Variants in ARB2A observed in about 807,000 individuals in gnomAD.
ARB2A encodes the protein ARB2 cotranscriptional regulator A.
the ARB2A span, among the ~76,000 whole-genome samples, chr5:93,696,272 T>C: frequency 9.8e-5 from 15 of 152,342 alleles, no homozygotes; most frequent in Admixed American, 5.2e-4. Context: ...TCCATTCACA[T>C]CAGTGATGCA....
At chr5:94,074,857 T>A in the ARB2A span, 1 of 806,294 alleles carries the variant, frequency 1.2e-6, no homozygotes, top group Non-Finnish European at 2.0e-6. Flanking sequence ...TCAGGATTAA[T>A]CTCTCTATGC....
chr5:93,948,057 T>C, the ARB2A span, among the ~76,000 whole-genome samples: 1 of 152,190 alleles, frequency 6.6e-6, no homozygotes, highest in Non-Finnish European at 1.5e-5. Flanking sequence ...CAAATGGTAT[T>C]TCTAGTTCTA....
chr5:93,803,590 C>T, the ARB2A span, among the ~76,000 whole-genome samples: 2 of 151,128 alleles, frequency 1.3e-5, no homozygotes, highest in Non-Finnish European at 3.0e-5. Flanking sequence ...GGGAGAGGAT[C>T]AGGAAAAATA....
At chr5:93,633,518 GT>G in the ARB2A span, among the ~76,000 whole-genome samples, 1 of 152,218 alleles carries the variant, frequency 6.6e-6, no homozygotes, top group African/African-American at 2.4e-5. Flanking sequence ...GCTTGTATAA[GT>G]ATCCCCTATC....
chr5:93,772,638 C>A, the ARB2A span, among the ~76,000 whole-genome samples: 1 of 152,182 alleles, frequency 6.6e-6, no homozygotes, highest in Non-Finnish European at 1.5e-5. Flanking sequence ...GGGTTTCTCA[C>A]AAGACTACAA....
chr5:93,748,538 T>C, the ARB2A span, among the ~76,000 whole-genome samples: 1 of 151,946 alleles, frequency 6.6e-6, no homozygotes, highest in Non-Finnish European at 1.5e-5. Flanking sequence ...CAATGAACAG[T>C]TTCCCTAAAA....
At chr5:93,815,513 C>T in the ARB2A span, among the ~76,000 whole-genome samples, 3 of 152,156 alleles carry the variant, frequency 2.0e-5, no homozygotes, top group African/African-American at 7.2e-5. Context: ...TCTACTTATT[C>T]CATTCTAATC....
At chr5:93,796,355 G>A in the ARB2A span, among the ~76,000 whole-genome samples, 1 of 152,100 alleles carries the variant, frequency 6.6e-6, no homozygotes, top group East Asian at 1.9e-4. Flanking sequence ...AGCTGAAATG[G>A]TATAGCACTA....
At chr5:93,818,294 G>T in the ARB2A span, among the ~76,000 whole-genome samples, 1 of 152,094 alleles carries the variant, frequency 6.6e-6, no homozygotes. Context: ...TTTCTTTTGG[G>T]GTGATAAAAA....
chr5:94,049,085 G>A, the ARB2A span, among the ~76,000 whole-genome samples: 1 of 152,154 alleles, frequency 6.6e-6, no homozygotes, highest in Non-Finnish European at 1.5e-5. Context: ...CCTTAGAAAA[G>A]TAATGTAGCT....
the ARB2A span, among the ~76,000 whole-genome samples, chr5:93,742,364 G>A: frequency 6.6e-6 from 1 of 152,034 alleles, no homozygotes; most frequent in Non-Finnish European, 1.5e-5. Flanking sequence ...CTGACCCACT[G>A]TCCCCCACTG....
chr5:94,080,488 T>C, the ARB2A span, among the ~76,000 whole-genome samples: 3 of 152,194 alleles, frequency 2.0e-5, no homozygotes, highest in Non-Finnish European at 2.9e-5. Flanking sequence ...TTTTAAAATA[T>C]AATATGCATG....
At chr5:93,671,565 T>C in the ARB2A span, among the ~76,000 whole-genome samples, 2 of 152,204 alleles carry the variant, frequency 1.3e-5, no homozygotes, top group Admixed American at 6.5e-5. Flanking sequence ...TAATTGATAA[T>C]TGGAAATACC....
At chr5:93,815,272 G>A in the ARB2A span, among the ~76,000 whole-genome samples, 1 of 152,162 alleles carries the variant, frequency 6.6e-6, no homozygotes, top group Non-Finnish European at 1.5e-5. Context: ...TGATATACAT[G>A]TAGGGGTTAA....
chr5:93,740,867 G>A, the ARB2A span: 1 of 1,613,962 alleles, frequency 6.2e-7, no homozygotes, highest in South Asian at 1.1e-5. Context: ...GTGGGCTTAG[G>A]GCACCGCTGG....
the ARB2A span, among the ~76,000 whole-genome samples, chr5:93,836,480 C>G: frequency 2.0e-4 from 31 of 152,248 alleles, no homozygotes; most frequent in African/African-American, 7.2e-4. Context: ...TGTTATTTAA[C>G]TCTTTTGTAT....
the ARB2A span, among the ~76,000 whole-genome samples, chr5:93,760,320 C>A: frequency 6.6e-6 from 1 of 152,158 alleles, no homozygotes; most frequent in Non-Finnish European, 1.5e-5. Context: ...AAGTTGACCA[C>A]ATGGCCAAAA....
the ARB2A span, among the ~76,000 whole-genome samples, chr5:93,730,633 A>T: frequency 3.9e-5 from 6 of 152,154 alleles, no homozygotes; most frequent in African/African-American, 1.4e-4. Context: ...GCTTTTCATA[A>T]ACACAATGAC....
At chr5:93,988,373 G>A in the ARB2A span, among the ~76,000 whole-genome samples, 1 of 152,126 alleles carries the variant, frequency 6.6e-6, no homozygotes, top group South Asian at 2.1e-4. Flanking sequence ...TCTCATTCTC[G>A]TTTTGTAGCC....
Sources: allele counts gnomAD v4.1 joint callset (sites outside exome capture counted in the v4.1 genomes callset), GRCh38; gene constraint gnomAD v4.1.1; transcripts MANE v1.5; gene names NCBI Gene and HGNC (gene_info 2026-07-23, HGNC 2026-07-21).